Variants in IGF1R observed in about 807,000 individuals in gnomAD.
IGF1R encodes insulin like growth factor 1 receptor.
A neutral mutation model predicts 144.6 loss-of-function variants in IGF1R; 44 were observed. That is an observed-to-expected ratio of 0.30 (90% CI 0.24 to 0.39). The LOEUF (loss-of-function observed/expected upper bound fraction) is 0.39. IGF1R is among the 10% of genes least tolerant of loss of function. IGF1R has a pLI of 1.00. For synonymous variants in IGF1R, 795 were observed against 722.8 expected, an observed-to-expected ratio of 1.10 and a Z score of -1.60; for missense variants, 1,355 against 1,833.7, an observed-to-expected ratio of 0.74 and a Z score of 4.77.
chr15:98,820,526 G>A (rs974816207), intron 2 of IGF1R, among the ~76,000 whole-genome samples: 1 of 152,136 alleles, frequency 6.6e-6, no homozygotes, highest in African/African-American at 2.4e-5. Flanking sequence ...AGGTGGGCAA[G>A]GCAGTTTTTC....
intron 2 of IGF1R, among the ~76,000 whole-genome samples, chr15:98,798,659 C>T (rs1286524932): frequency 1.3e-5 from 2 of 151,946 alleles, no homozygotes; most frequent in Non-Finnish European, 2.9e-5. Flanking sequence ...ACAGGATGCA[C>T]GTGGGATGTC....
At position 98,847,402 on chromosome 15, in the gene IGF1R, G is replaced by A. The variant is rs139496413; in HGVS notation, c.641-43923G>A. Among the ~76,000 whole-genome samples the A allele has an allele frequency of 3.4e-3, 519 of 152,318 alleles. 3 individuals carry two copies. Among genetic ancestry groups the A allele is most frequent in the African/African-American group, 0.011 (477 of 41,554 alleles). On this transcript the variant is annotated intron_variant, in intron 2 of 20. Transcript: ENST00000650285. ...GCCGATAAACTAAGAGATGTGGGCAGTGTACCATCTGGAAAGGAAAAGGCT... is the reference window on the plus strand; with the variant it reads ...GCCGATAAACTAAGAGATGTGGGCAATGTACCATCTGGAAAGGAAAAGGCT...
chr15:98,930,092 C>G, intron 14 of IGF1R, 143 bp from the exon 15 acceptor site: 1 of 708,100 alleles, frequency 1.4e-6, no homozygotes, highest in South Asian at 1.6e-5. Context: ...TAGACAAGAG[C>G]TGCTGTAGAC....
At chr15:98,731,408 G>C (rs545106584) in intron 2 of IGF1R, among the ~76,000 whole-genome samples, 1 of 152,070 alleles carries the variant, frequency 6.6e-6, no homozygotes, top group Non-Finnish European at 1.5e-5. Context: ...TTTTTAAAAG[G>C]GTTCCATTTT....
intron 2 of IGF1R, among the ~76,000 whole-genome samples, chr15:98,864,965 A>G (rs1156734118): frequency 1.3e-5 from 2 of 152,152 alleles, no homozygotes; most frequent in Admixed American, 6.5e-5. Context: ...TTCCTCACTG[A>G]TATTTGTAAC....
chr15:98,923,085 T>C (rs1212358349), intron 11 of IGF1R, among the ~76,000 whole-genome samples: 4 of 152,228 alleles, frequency 2.6e-5, no homozygotes, highest in Non-Finnish European at 5.9e-5. Context: ...GTAGCGTGCC[T>C]TGAGGCAGTC....
At chr15:98,668,849 A>AG (rs2052812068) in intron 1 of IGF1R, among the ~76,000 whole-genome samples, 1 of 152,206 alleles carries the variant, frequency 6.6e-6, no homozygotes, top group Non-Finnish European at 1.5e-5. Context: ...GTGAGTTGGA[A>AG]GGGGCTGCCA....
chr15:98,708,148 C>T (rs1408491996), intron 2 of IGF1R, 41 bp downstream of exon 2: 2 of 1,520,380 alleles, frequency 1.3e-6, no homozygotes, highest in Non-Finnish European at 1.8e-6. Flanking sequence ...CTGCCTCTCT[C>T]TCTCCTCTCC....
chr15:98,926,602 A>T lies in IGF1R; in HGVS notation c.2782+1918A>T, dbSNP rs545402660. On this transcript the variant is annotated intron_variant, in intron 13 of 20. Transcript: ENST00000650285. Reference sequence around the variant, plus strand: ...TTGTATATTAAAATTAATTAATTTTAAAAAAGATCTCCAGTAGTCACCTGG... The same window carrying T: ...TTGTATATTAAAATTAATTAATTTTTAAAAAGATCTCCAGTAGTCACCTGG... 1.9e-4 allele frequency among the ~76,000 whole-genome samples: 29 copies of T among 152,350 alleles called. No homozygotes were observed. The South Asian group carries it at 3.3e-3, about 17-fold the overall frequency.
chr15:98,715,632 A>G (rs1396917381), intron 2 of IGF1R, among the ~76,000 whole-genome samples: 1 of 152,084 alleles, frequency 6.6e-6, no homozygotes, highest in Non-Finnish European at 1.5e-5. Flanking sequence ...CTTGTCCTGA[A>G]TTGCCTTGCT....
chr15:98,671,174 T>A (rs934115381), intron 1 of IGF1R, among the ~76,000 whole-genome samples: 2 of 152,242 alleles, frequency 1.3e-5, no homozygotes, highest in Non-Finnish European at 2.9e-5. Context: ...TCTGCATGTC[T>A]GAAAGCATTC....
intron 2 of IGF1R, among the ~76,000 whole-genome samples, chr15:98,872,457 A>T (rs1052481271): frequency 2.6e-5 from 4 of 152,178 alleles, no homozygotes; most frequent in Non-Finnish European, 5.9e-5. Context: ...CTCCTACCCC[A>T]TGTACACTTC....
intron 2 of IGF1R, among the ~76,000 whole-genome samples, chr15:98,754,029 C>T (rs1287361961): frequency 6.6e-6 from 1 of 152,162 alleles, no homozygotes; most frequent in African/African-American, 2.4e-5. Flanking sequence ...CCTTGTTTTC[C>T]TTTTTCAGAA....
At chr15:98,901,794 A>G (rs1432812591) in intron 5 of IGF1R, among the ~76,000 whole-genome samples, 1 of 152,164 alleles carries the variant, frequency 6.6e-6, no homozygotes, top group African/African-American at 2.4e-5. Context: ...CTTTCGGGAA[A>G]AACTTGAGGA....
rs972242816 is a variant in IGF1R at position 98,899,517 on chromosome 15, C to G, written c.1143C>G (p.Ile381Met). Residue 381 changes from isoleucine to methionine, a missense_variant, in exon 5 of 21, where the codon ATC becomes ATG. Transcript: ENST00000650285. Reference protein sequence around the residue: ...ASELENFMGLIEVVTGYVKIR... With the variant: ...ASELENFMGLMEVVTGYVKIR... ...AGCTGGAGAACTTCATGGGGCTCAT[C>G]GAGGTGGTGACGGGCTACGTGAAGA... 4.3e-6 allele frequency: 7 copies of G among 1,613,988 alleles called. No homozygotes were observed. Among genetic ancestry groups the G allele is most frequent in the Non-Finnish European group, 5.9e-6 (7 of 1,179,968 alleles).
chr15:98,676,374 G>T (rs984602018), intron 1 of IGF1R, among the ~76,000 whole-genome samples: 3 of 152,032 alleles, frequency 2.0e-5, no homozygotes, highest in African/African-American at 4.8e-5. Context: ...CTGACCTTGC[G>T]ATCCGCCTGC....
intron 5 of IGF1R, among the ~76,000 whole-genome samples, chr15:98,906,586 G>A (rs1039814218): frequency 3.9e-5 from 6 of 152,232 alleles, no homozygotes; most frequent in African/African-American, 1.4e-4. Context: ...AGGTATGGAT[G>A]GGGTCTACCC....
chr15:98,715,295 T>C (rs1182060203), intron 2 of IGF1R, among the ~76,000 whole-genome samples: 1 of 152,210 alleles, frequency 6.6e-6, no homozygotes, highest in East Asian at 1.9e-4. Flanking sequence ...AAGACTTTGC[T>C]TTTGGCTAAT....
chr15:98,659,125 C>T (rs1351298897), intron 1 of IGF1R, among the ~76,000 whole-genome samples: 1 of 152,134 alleles, frequency 6.6e-6, no homozygotes, highest in Non-Finnish European at 1.5e-5. Context: ...TTGTCCTTGC[C>T]ATTTAAATAT....
Sources: gnomAD v4.1 joint callset for allele counts (sites outside exome capture counted in the v4.1 genomes callset) on GRCh38, gnomAD v4.1.1 for gene constraint, MANE v1.5 for transcripts, NCBI Gene and HGNC (gene_info 2026-07-23, HGNC 2026-07-21) for gene names.